Variants in DNAH10 observed in about 807,000 individuals in gnomAD.
The protein encoded by DNAH10 is dynein axonemal heavy chain 10.
Under a neutral mutation model 506.6 loss-of-function variants are expected in DNAH10, and 348 were observed. The observed-to-expected ratio is 0.69, with a 90% CI of 0.63 to 0.75. The LOEUF (loss-of-function observed/expected upper bound fraction) is 0.75. Ranked by LOEUF, DNAH10 falls within the 30% of genes least tolerant of loss-of-function variation. The pLI is 0.00. For missense variants in DNAH10, 5,179 were observed against 5,787.1 expected, an observed-to-expected ratio of 0.89 and a Z score of 3.41; for synonymous variants, 2,059 against 2,198.6, an observed-to-expected ratio of 0.94 and a Z score of 1.78.
chr12:123,889,884 C>A (rs961818450), intron 52 of DNAH10, among the ~76,000 whole-genome samples: 1 of 152,162 alleles, frequency 6.6e-6, no homozygotes, highest in Admixed American at 6.5e-5. Flanking sequence ...TCAGGCCACC[C>A]GTTTCTTGGC....
intron 53 of DNAH10, among the ~76,000 whole-genome samples, chr12:123,894,330 C>CA (rs1166012605): frequency 2.0e-5 from 3 of 151,948 alleles, no homozygotes; most frequent in Non-Finnish European, 4.4e-5. Context: ...GATCTTGGCT[C>CA]ACCACAACCT....
intron 47 of DNAH10, 104 bp downstream of exon 47, chr12:123,875,595 C>T: frequency 8.0e-6 from 11 of 1,374,732 alleles, no homozygotes; most frequent in Non-Finnish European, 1.1e-5. Context: ...TTAGGGCCCT[C>T]AATACTTTTA....
chr12:123,881,729 C>T lies in DNAH10; in HGVS notation c.8739C>T (p.Asp2913=), dbSNP rs1222845728. 2 of 1,548,532 alleles carry T rather than the reference C, an allele frequency of 1.3e-6. No individual in the cohort carries two copies. Among genetic ancestry groups the T allele is most frequent in the Admixed American group, 2.0e-5 (1 of 50,140 alleles). Residue 2913 remains aspartate, a synonymous_variant, in exon 51 of 79, where the codon GAC becomes GAT. Coordinates refer to ENST00000673944, the MANE Select transcript of DNAH10 (RefSeq NM_001372106.1). ...LTRVHRIIRM[D]RGHALLVGVG... ...GGGTGCACCGTATCATCCGCATGGA[C>T]CGCGGCCACGCCCTGCTGGTCGGGG...
chr12:123,841,554 G>T lies in DNAH10; in HGVS notation c.5360+9G>T. The T allele has an allele frequency of 6.2e-7, 1 of 1,611,918 alleles. No homozygotes were observed. Among genetic ancestry groups the T allele is most frequent in the Non-Finnish European group, 8.5e-7 (1 of 1,178,394 alleles). ...TGTGAAGACAGAAGCAGGTAAGGCT[G>T]CGAATGTGGACATGCATTGCTCTAT... On this transcript the variant is annotated intron_variant, in intron 30 of 78. Transcript: ENST00000673944.
Position 123,916,789 on chromosome 12 carries a change from G to C in DNAH10, c.11002+53G>C. On this transcript the variant is annotated intron_variant, in intron 63 of 78. Transcript: ENST00000673944. The surrounding 1 kb of genome is among the most constrained non-coding windows in gnomAD (Gnocchi z 4.6). ...AATTCAGATGGTTATGAGGGAGACC[G>C]CAACCTCAGATCAAGGCATTCATGG... 1 of 1,538,624 alleles carries C rather than the reference G, an allele frequency of 6.5e-7. No individual in the cohort carries two copies. Among genetic ancestry groups the C allele is most frequent in the Non-Finnish European group, 8.7e-7 (1 of 1,145,654 alleles).
In DNAH10 at chr12:123,925,317, C is replaced by T; in HGVS notation, c.11921+113C>T. On this transcript the variant is annotated intron_variant, in intron 68 of 78. Coordinates refer to ENST00000673944, the MANE Select transcript of DNAH10 (RefSeq NM_001372106.1). The surrounding 1 kb of genome is among the most constrained non-coding windows in gnomAD (Gnocchi z 4.0). ...TGACCAGCTCCCGAGACAGCTGTCGCCACCCTGCTGTACAATATTCGATAG... is the reference window on the plus strand; with the variant it reads ...TGACCAGCTCCCGAGACAGCTGTCGTCACCCTGCTGTACAATATTCGATAG... The T allele has an allele frequency of 4.3e-6, 6 of 1,386,254 alleles. No individual in the cohort carries two copies. Among genetic ancestry groups the T allele is most frequent in the Non-Finnish European group, 6.0e-6 (6 of 997,610 alleles). 85.9% of individuals were successfully genotyped at this position (1,386,254 alleles called of 1,614,324 possible). A position where few individuals can be genotyped will look rare whatever the true frequency, so the allele number is the denominator to read the frequency against.
Position 123,772,826 on chromosome 12 carries a change from T to C in DNAH10, c.397-8T>C, listed in dbSNP as rs765484492. The C allele has an allele frequency of 1.8e-5, 28 of 1,589,706 alleles. No homozygotes were observed. The highest frequency in any genetic ancestry group is 2.3e-5 in the South Asian group (2 of 87,490). ...AAGAATGAATGGTTTTTGTTCCCCA[T>C]GTTTCAGAGAACTGCGAAGCACATC... On this transcript the variant is annotated splice_region_variant and splice_polypyrimidine_tract_variant and intron_variant, in intron 3 of 78. Transcript: ENST00000673944.
At chr12:123,889,647 G>T (rs1419156603) in intron 52 of DNAH10, among the ~76,000 whole-genome samples, 1 of 152,194 alleles carries the variant, frequency 6.6e-6, no homozygotes, top group Non-Finnish European at 1.5e-5. Context: ...GACAGGGAAG[G>T]CGTCACTGTA....
intron 11 of DNAH10, among the ~76,000 whole-genome samples, chr12:123,792,451 CTTTT>C (rs78654407): frequency 3.0e-5 from 4 of 133,464 alleles, no homozygotes; most frequent in African/African-American, 9.3e-5. Context: ...TTCCTTTGTC[CTTTT>C]TTTTTTTTTT....
rs1217662799 is a variant in DNAH10, at chr12:123,784,184, T to C, written c.1230+7T>C. The C allele has an allele frequency of 6.2e-7, 1 of 1,611,352 alleles. No homozygotes were observed. On this transcript the variant is annotated splice_region_variant and intron_variant, in intron 8 of 78. Transcript: ENST00000673944. Reference sequence around the variant, plus strand: ...CGTGGAGCGTTATTTCAAGGTATGCTGGGTGTGCTGCACTTTGCAGTCAGC... The same window carrying C: ...CGTGGAGCGTTATTTCAAGGTATGCCGGGTGTGCTGCACTTTGCAGTCAGC...
intron 27 of DNAH10, 143 bp from the exon 28 acceptor site, chr12:123,835,263 A>T (rs1296473418): frequency 1.2e-6 from 1 of 837,640 alleles, no homozygotes; most frequent in East Asian, 2.8e-5. Context: ...CTGGCCATGC[A>T]GATGCTCACT....
Position 123,847,267 on chromosome 12 carries a change from C to CT in DNAH10, c.5815-694_5815-693insT, listed in dbSNP as rs1565986085. Among the ~76,000 whole-genome samples the CT allele has an allele frequency of 3.1e-3, 336 of 107,174 alleles. 1 individual carries two copies. Among genetic ancestry groups the CT allele is most frequent in the African/African-American group, 9.9e-3 (200 of 20,276 alleles). 70.3% of individuals were successfully genotyped at this position (107,174 alleles called of 152,430 possible). A position where few individuals can be genotyped will look rare whatever the true frequency, so the allele number is the denominator to read the frequency against. On this transcript the variant is annotated intron_variant, in intron 32 of 78. Transcript: ENST00000673944. ...CTATCTATCTATCTATCTATCTATC[C>CT]ATCCATCCATCCTGTCTATTTATCA...
Position 123,808,845 on chromosome 12 carries a change from C to T in DNAH10, c.3036C>T (p.Phe1012=). The change falls in exon 19 of 79, where the codon TTC becomes TTT. Residue 1012 remains phenylalanine, a synonymous_variant. Coordinates refer to ENST00000673944, the MANE Select transcript of DNAH10 (RefSeq NM_001372106.1). ...NSLILGNVPL[F]HTETILTAPE... ...TGATCCTTGGAAATGTCCCTCTGTT[C>T]CACACTGAAACCATTCTGACGGCAC... The T allele has an allele frequency of 6.2e-7, 1 of 1,614,130 alleles. No individual in the cohort carries two copies. The highest frequency in any genetic ancestry group is 8.5e-7 in the Non-Finnish European group (1 of 1,180,018).
chr12:123,821,284 C>T (rs116678672), intron 24 of DNAH10, among the ~76,000 whole-genome samples: 7,647 of 152,034 alleles, frequency 0.05, 246 homozygotes, highest in African/African-American at 0.094. Context: ...TAGATAGTGG[C>T]GCTGGCTGTG....
chr12:123,890,818 G>A (rs985600648), intron 52 of DNAH10, among the ~76,000 whole-genome samples: 1 of 152,120 alleles, frequency 6.6e-6, no homozygotes, highest in Admixed American at 6.5e-5. Context: ...GTTGGGGGAG[G>A]GGTATCAAGG....
In DNAH10 at chr12:123,928,748, T is replaced by C. The variant is rs1426187643; in HGVS notation, c.12306+161T>C. 7 of 797,728 alleles carry C rather than the reference T, an allele frequency of 8.8e-6. No homozygotes were observed. The highest frequency in any genetic ancestry group is 1.4e-5 in the Non-Finnish European group (7 of 517,098). The allele number at this position is 797,728 out of a possible 1,614,324, so 49.4% of individuals were successfully genotyped here. A position where few individuals can be genotyped will look rare whatever the true frequency, so the allele number is the denominator to read the frequency against. On this transcript the variant is annotated intron_variant, in intron 70 of 78. Transcript: ENST00000673944. This position sits in a 1 kb window ranked among gnomAD's most constrained non-coding sequence, Gnocchi z 4.9. The stretch of plus-strand genomic sequence containing the variant: ...CCCTTCTCAATCCCACCTCTCTCTT[T>C]AGAGGGAGCCGCTGTCCTGGGTTGG...
chr12:123,923,990 T>G, intron 66 of DNAH10, 123 bp downstream of exon 66: 1 of 787,038 alleles, frequency 1.3e-6, no homozygotes, highest in Non-Finnish European at 2.0e-6. Flanking sequence ...CCAACAGCAC[T>G]GCATTTTTCA....
intron 7 of DNAH10, 42 bp from the exon 8 acceptor site, chr12:123,783,905 C>A (rs1957755944): frequency 6.4e-7 from 1 of 1,559,916 alleles, no homozygotes; most frequent in Non-Finnish European, 8.8e-7. Flanking sequence ...TCTGCTCCAC[C>A]CTAATAATGA....
chr12:123,792,858 A>T (rs370038197), intron 11 of DNAH10, among the ~76,000 whole-genome samples: 3 of 151,978 alleles, frequency 2.0e-5, no homozygotes, highest in Admixed American at 2.0e-4. Context: ...TCTAGATCTC[A>T]CCTCTTCCTC....
Sources: allele counts gnomAD v4.1 joint callset (sites outside exome capture counted in the v4.1 genomes callset), GRCh38; gene constraint gnomAD v4.1.1; non-coding constraint Gnocchi (gnomAD v3.1); transcripts MANE v1.5; gene names NCBI Gene and HGNC (gene_info 2026-07-23, HGNC 2026-07-21).